The following BANP variants were observed in gnomAD, a reference collection of about 807,000 sequenced individuals.
BANP encodes the protein protein BANP.
Under a neutral mutation model 68.1 loss-of-function variants are expected in BANP, and 11 were observed. The observed-to-expected ratio is 0.16, with a 90% CI of 0.10 to 0.27. BANP has a LOEUF of 0.27. Among genes scored for constraint, BANP ranks in the 10% least tolerant of loss-of-function variants. The pLI is 1.00. For synonymous variants in BANP, 329 were observed against 303.2 expected, an observed-to-expected ratio of 1.09 and a Z score of -0.88; for missense variants, 504 against 722.7, an observed-to-expected ratio of 0.70 and a Z score of 3.47.
Position 88,076,868 on chromosome 16 carries a change from G to T in BANP, c.*207G>T, listed in dbSNP as rs533976080. 3.5e-6 allele frequency: 2 copies of T among 564,418 alleles called. No individual in the cohort carries two copies. The highest frequency in any genetic ancestry group is 3.8e-5 in the African/African-American group (2 of 52,824). 35.0% of individuals were successfully genotyped at this position (564,418 alleles called of 1,614,324 possible). On this transcript the variant is annotated 3_prime_UTR_variant, in exon 14 of 14. Coordinates refer to ENST00000682872, the MANE Select transcript of BANP (RefSeq NM_001386991.1). Reference sequence around the variant, plus strand: ...CCAGCCGGAGACCCCTTTCGTTTGAGTCCTGCTGTTGGTGTCGGAGCACGA... The same window carrying T: ...CCAGCCGGAGACCCCTTTCGTTTGATTCCTGCTGTTGGTGTCGGAGCACGA...
intron 12 of BANP, among the ~76,000 whole-genome samples, chr16:88,069,087 G>T (rs542115980): frequency 6.6e-6 from 1 of 152,294 alleles, no homozygotes; most frequent in South Asian, 2.1e-4. Flanking sequence ...CCCGTCTCGT[G>T]AAACAGTCCA....
intron 7 of BANP, among the ~76,000 whole-genome samples, chr16:88,023,040 T>G (rs1372508721): frequency 6.6e-6 from 1 of 152,170 alleles, no homozygotes; most frequent in Non-Finnish European, 1.5e-5. Flanking sequence ...CTTCTCCAGG[T>G]TCTCTGTGAG....
At chr16:87,954,637 C>T (rs1256219407) in intron 1 of BANP, among the ~76,000 whole-genome samples, 2 of 152,238 alleles carry the variant, frequency 1.3e-5, no homozygotes, top group Non-Finnish European at 2.9e-5. Context: ...AGTTAGCTCT[C>T]CTGTGCGGGA....
chr16:87,965,817 T>C (rs1597825910), intron 1 of BANP, among the ~76,000 whole-genome samples: 1 of 152,214 alleles, frequency 6.6e-6, no homozygotes, highest in Admixed American at 6.5e-5. Flanking sequence ...CATCACTTGG[T>C]TGTAGAAACA....
chr16:87,992,055 G>GT (rs1223957444), intron 4 of BANP, among the ~76,000 whole-genome samples: 3 of 152,202 alleles, frequency 2.0e-5, no homozygotes, highest in Non-Finnish European at 4.4e-5. Flanking sequence ...TTTCATGGGA[G>GT]TTTTTTCTCA....
At chr16:88,040,971 G>A (rs1363698222) in intron 11 of BANP, among the ~76,000 whole-genome samples, 5 of 152,246 alleles carry the variant, frequency 3.3e-5, no homozygotes, top group Non-Finnish European at 7.3e-5. Context: ...ATCTGACAGA[G>A]CAGCTAGAAA....
intron 12 of BANP, among the ~76,000 whole-genome samples, chr16:88,069,678 C>G (rs1056673739): frequency 6.6e-6 from 1 of 152,214 alleles, no homozygotes; most frequent in African/African-American, 2.4e-5. Flanking sequence ...CACCTGCACC[C>G]CAGGGCCAGC....
intron 4 of BANP, among the ~76,000 whole-genome samples, chr16:87,994,562 A>G (rs1294110633): frequency 2.0e-5 from 3 of 152,326 alleles, no homozygotes; most frequent in African/African-American, 4.8e-5. Flanking sequence ...TGCTTATTTC[A>G]TTAGATATTA....
At chr16:87,990,481 G>T (rs1310996764) in intron 4 of BANP, among the ~76,000 whole-genome samples, 1 of 152,132 alleles carries the variant, frequency 6.6e-6, no homozygotes, top group Non-Finnish European at 1.5e-5. Flanking sequence ...GTTCTGGCAC[G>T]GGAGCACAAG....
At chr16:87,968,108 A>G (rs1324324714) in intron 1 of BANP, among the ~76,000 whole-genome samples, 7 of 151,816 alleles carry the variant, frequency 4.6e-5, no homozygotes, top group African/African-American at 9.7e-5. Flanking sequence ...TCTGAAAGCA[A>G]TCTGTGACCC....
chr16:87,977,792 A>G lies in BANP; in HGVS notation c.70+2607A>G, dbSNP rs578142221. ...CGCTTACTCTACCTGTCTGAATGCA[A>G]AAATTGTGACTTGCATCAGGCCTGT... On this transcript the variant is annotated intron_variant, in intron 2 of 13. Coordinates refer to ENST00000682872, the MANE Select transcript of BANP (RefSeq NM_001386991.1). 5.9e-5 allele frequency among the ~76,000 whole-genome samples: 9 copies of G among 152,304 alleles called. No homozygotes were observed. The South Asian group carries it at 1.7e-3, about 28-fold the overall frequency.
intron 12 of BANP, among the ~76,000 whole-genome samples, chr16:88,065,749 A>G (rs2088363959): frequency 6.6e-6 from 1 of 152,058 alleles, no homozygotes; most frequent in African/African-American, 2.4e-5. Flanking sequence ...TTTTGTTTTT[A>G]TTCAGGGGAA....
upstream of BANP, chr16:87,950,592 C>A (rs1189661118): frequency 6.6e-6 from 1 of 152,158 alleles, no homozygotes; most frequent in Non-Finnish European, 1.5e-5. Flanking sequence ...CCCGCCACCA[C>A]GCCCGGCATA....
chr16:87,957,342 AAC>A lies in BANP; in HGVS notation c.-69+5830_-69+5831del, dbSNP rs543431888. Among the ~76,000 whole-genome samples, 7 of 152,272 alleles carry A rather than the reference AAC, an allele frequency of 4.6e-5. No individual in the cohort carries two copies. In the East Asian group the frequency reaches 1.4e-3, roughly 29 times the overall value. On this transcript the variant is annotated intron_variant, in intron 1 of 13. Transcript: ENST00000682872. This position sits in a 1 kb window ranked among gnomAD's most constrained non-coding sequence, Gnocchi z 4.3. ...AAAGGCTGAGAGGAGGCTGCAGTGA[AAC>A]ACCTGAGGAAGGCTGGGCAGAATGG...
At chr16:88,033,059 A>C (rs749452960) in intron 8 of BANP, 50 bp from the exon 9 acceptor site, 2 of 1,534,244 alleles carry the variant, frequency 1.3e-6, no homozygotes, top group Non-Finnish European at 1.8e-6. Flanking sequence ...ACACCAGGCA[A>C]TGCCTAAGAA....
At chr16:87,975,282 A>G in intron 2 of BANP, 97 bp downstream of exon 2, 1 of 1,202,012 alleles carries the variant, frequency 8.3e-7, no homozygotes, top group Non-Finnish European at 1.2e-6. Context: ...AGCAGAAGAA[A>G]AAGTAATGCA....
Position 88,067,102 on chromosome 16 carries a change from C to T in BANP, c.1377+1770C>T, listed in dbSNP as rs752986261. ...TTGGTGTTGGACACACAGCACGTGG[C>T]GGGATCCTAGGGCCCAGGTGTGTGG... On this transcript the variant is annotated intron_variant, in intron 12 of 13. Transcript: ENST00000682872. Among the ~76,000 whole-genome samples, 16 of 152,218 alleles carry T rather than the reference C, an allele frequency of 1.1e-4. No homozygotes were observed. In the South Asian group the frequency reaches 1.7e-3, roughly 16 times the overall value.
At chr16:87,985,165 G>C (rs895261371) in intron 4 of BANP, among the ~76,000 whole-genome samples, 1 of 152,254 alleles carries the variant, frequency 6.6e-6, no homozygotes, top group Non-Finnish European at 1.5e-5. Flanking sequence ...CCTCGCCAGG[G>C]GGTGTGGGAA....
chr16:88,004,954 C>G lies in BANP; in HGVS notation c.479+543C>G, dbSNP rs966091890. ...AGTGGCCTCTGGCTGGCATCCAAGCCCTGCTGTCCCCAGGAGTGCCCCTGG... is the reference window on the plus strand; with the variant it reads ...AGTGGCCTCTGGCTGGCATCCAAGCGCTGCTGTCCCCAGGAGTGCCCCTGG... On this transcript the variant is annotated intron_variant, in intron 5 of 13. Transcript: ENST00000682872. The surrounding 1 kb of genome is among the most constrained non-coding windows in gnomAD (Gnocchi z 7.0). Among the ~76,000 whole-genome samples, 3 of 152,270 alleles carry G rather than the reference C, an allele frequency of 2.0e-5. No homozygotes were observed. Among genetic ancestry groups the G allele is most frequent in the African/African-American group, 7.2e-5 (3 of 41,546 alleles).
Sources: allele counts gnomAD v4.1 joint callset (sites outside exome capture counted in the v4.1 genomes callset), GRCh38; gene constraint gnomAD v4.1.1; non-coding constraint Gnocchi (gnomAD v3.1); transcripts MANE v1.5; gene names NCBI Gene and HGNC (gene_info 2026-07-23, HGNC 2026-07-21).